CTTNBP2: variants seen among roughly 807,000 people sequenced by gnomAD.
CTTNBP2 encodes cortactin binding protein 2.
CTTNBP2 carries 108 observed loss-of-function variants against 156.9 expected under a neutral mutation model. The observed-to-expected ratio is 0.69, with a 90% CI of 0.59 to 0.81. CTTNBP2 has a LOEUF of 0.81. CTTNBP2 is among the 30% of genes least tolerant of loss of function. The pLI is 0.00. For synonymous variants in CTTNBP2, 767 were observed against 751.8 expected (o/e 1.02, Z -0.33); for missense variants, 1,924 against 2,035.4 (o/e 0.95, Z 1.05).
At chr7:117,797,366 A>G (rs1268815864) in intron 3 of CTTNBP2, among the ~76,000 whole-genome samples, 1 of 152,218 alleles carries the variant, frequency 6.6e-6, no homozygotes, top group Non-Finnish European at 1.5e-5. Flanking sequence ...AGCAGGTAAC[A>G]GAATCCAGAG....
chr7:117,779,963 T>G (rs1005573979), intron 7 of CTTNBP2, among the ~76,000 whole-genome samples: 11 of 152,136 alleles, frequency 7.2e-5, no homozygotes, highest in African/African-American at 2.7e-4. Context: ...TTTCTCCATG[T>G]TGATCAGGCT....
intron 2 of CTTNBP2, among the ~76,000 whole-genome samples, chr7:117,856,813 G>A (rs1032764707): frequency 6.6e-6 from 1 of 152,078 alleles, no homozygotes; most frequent in Admixed American, 6.5e-5. Flanking sequence ...TAAAATGTAG[G>A]CTTAAGCACA....
Position 117,792,193 on chromosome 7 carries a change from G to A in CTTNBP2, c.1003C>T (p.Pro335Ser). 1.9e-6 allele frequency: 3 copies of A among 1,614,160 alleles called. No individual in the cohort carries two copies. The highest frequency in any genetic ancestry group is 2.5e-6 in the Non-Finnish European group (3 of 1,180,038). ...TMPVKPSTGS[P>S]LVSANAKGSV... ...CCTTTTGCATTTGCAGAAACTAGGG[G>A]ACTCCCTGTGGAAGGTTTTACAGGC... is the stretch of plus-strand genomic sequence containing the variant. The change falls in exon 4 of 23, where the codon CCC becomes TCC. Residue 335 changes from proline to serine, a missense_variant. Pro to Ser is a moderately conservative substitution (Grantham distance 74). Coordinates refer to ENST00000160373, the MANE Select transcript of CTTNBP2 (RefSeq NM_033427.3). This position sits in a 1 kb window ranked among gnomAD's most constrained non-coding sequence, Gnocchi z 4.2.
At chr7:117,725,453 C>T (rs1006904131) in intron 17 of CTTNBP2, among the ~76,000 whole-genome samples, 196 bp from the exon 18 acceptor site, 3 of 152,206 alleles carry the variant, frequency 2.0e-5, no homozygotes, top group Non-Finnish European at 4.4e-5. Context: ...CAAAAATACA[C>T]TGTATTTCAA....
chr7:117,847,578 C>T lies in CTTNBP2; in HGVS notation c.189+13631G>A, dbSNP rs1802664323. On this transcript the variant is annotated intron_variant, in intron 2 of 22. Transcript: ENST00000160373. ...GAAATAAGTTGATTAGAGAAAATAACTAGCCAAATTATTTCAGGGCTATAG... is the reference window on the plus strand; with the variant it reads ...GAAATAAGTTGATTAGAGAAAATAATTAGCCAAATTATTTCAGGGCTATAG... 2.0e-5 allele frequency among the ~76,000 whole-genome samples: 3 copies of T among 152,152 alleles called. No individual in the cohort carries two copies. The South Asian group carries it at 6.2e-4, about 31-fold the overall frequency.
chr7:117,773,829 C>A (rs766065116), intron 8 of CTTNBP2, among the ~76,000 whole-genome samples: 1 of 152,182 alleles, frequency 6.6e-6, no homozygotes, highest in South Asian at 2.1e-4. Context: ...AAATCGTCAA[C>A]TTGTTAAAAC....
At chr7:117,847,214 A>G (rs1202395764) in intron 2 of CTTNBP2, among the ~76,000 whole-genome samples, 1 of 152,184 alleles carries the variant, frequency 6.6e-6, no homozygotes, top group African/African-American at 2.4e-5. Flanking sequence ...AGGACAATAA[A>G]GAGAGTTGGA....
intron 1 of CTTNBP2, among the ~76,000 whole-genome samples, chr7:117,864,678 T>C (rs59347269): frequency 3.2e-3 from 270 of 83,306 alleles, no homozygotes; most frequent in South Asian, 5.7e-3. Context: ...ATTCATATAT[T>C]TATATATATT....
At chr7:117,850,569 G>A (rs1237822052) in intron 2 of CTTNBP2, among the ~76,000 whole-genome samples, 1 of 152,178 alleles carries the variant, frequency 6.6e-6, no homozygotes, top group Non-Finnish European at 1.5e-5. Context: ...AACTTTGAGG[G>A]AGTTGCACAA....
chr7:117,800,419 G>A (rs376738836), intron 3 of CTTNBP2, among the ~76,000 whole-genome samples: 17 of 151,964 alleles, frequency 1.1e-4, no homozygotes, highest in Non-Finnish European at 1.5e-5. Context: ...TGTTGGTGGG[G>A]TGGGGGATGC....
chr7:117,841,952 G>A (rs1284614422), intron 2 of CTTNBP2, among the ~76,000 whole-genome samples: 1 of 152,114 alleles, frequency 6.6e-6, no homozygotes, highest in East Asian at 1.9e-4. Context: ...CTAGAACCTA[G>A]AGACAAAAGA....
intron 2 of CTTNBP2, among the ~76,000 whole-genome samples, chr7:117,835,524 C>G (rs550407526): frequency 2.0e-5 from 3 of 152,310 alleles, no homozygotes; most frequent in African/African-American, 7.2e-5. Flanking sequence ...CTGTTTCCCT[C>G]ACTTCCCTTT....
intron 14 of CTTNBP2, among the ~76,000 whole-genome samples, chr7:117,741,312 T>G (rs545410928): frequency 4.6e-5 from 7 of 152,304 alleles, no homozygotes; most frequent in African/African-American, 1.4e-4. Flanking sequence ...ATGCTCACCT[T>G]GCTAACTTGG....
At position 117,719,997 on chromosome 7, in the gene CTTNBP2, T is replaced by G. The variant is rs143640848; in HGVS notation, c.4512-361A>C. 4.3e-4 allele frequency among the ~76,000 whole-genome samples: 65 copies of G among 152,362 alleles called. No individual in the cohort carries two copies. The East Asian group carries it at 0.012, about 28-fold the overall frequency. On this transcript the variant is annotated intron_variant, in intron 20 of 22. Coordinates refer to ENST00000160373, the MANE Select transcript of CTTNBP2 (RefSeq NM_033427.3). ...ACACGGATTTCAAACTTGGCTCTAT[T>G]GCTAGCTAGCAATATGACCATGCAC...
chr7:117,826,391 T>C (rs750336583), intron 2 of CTTNBP2, among the ~76,000 whole-genome samples: 53 of 152,246 alleles, frequency 3.5e-4, no homozygotes, highest in Admixed American at 1.3e-3. Flanking sequence ...ATACATGAAA[T>C]CAGTTCTAAC....
At chr7:117,804,498 T>C (rs995662945) in intron 3 of CTTNBP2, among the ~76,000 whole-genome samples, 2 of 152,126 alleles carry the variant, frequency 1.3e-5, no homozygotes, top group African/African-American at 2.4e-5. Flanking sequence ...CTATTCACAA[T>C]AGCAAAGACA....
intron 14 of CTTNBP2, among the ~76,000 whole-genome samples, chr7:117,741,926 CA>C (rs1418417637): frequency 1.3e-5 from 2 of 152,166 alleles, no homozygotes; most frequent in African/African-American, 2.4e-5. Flanking sequence ...TAATTATTGA[CA>C]ATTTATATGC....
At chr7:117,713,833 T>C (rs1442404613) in intron 22 of CTTNBP2, 1 of 152,206 alleles carries the variant, frequency 6.6e-6, no homozygotes, top group African/African-American at 2.4e-5. Context: ...CTCTAATATA[T>C]ACTTGGCTAG....
intron 1 of CTTNBP2, among the ~76,000 whole-genome samples, chr7:117,871,294 C>T (rs967046007): frequency 3.3e-5 from 5 of 152,142 alleles, no homozygotes; most frequent in Non-Finnish European, 5.9e-5. Flanking sequence ...GAGAACCATG[C>T]CTTATTAAGT....
Sources: gnomAD v4.1 joint callset for allele counts (sites outside exome capture counted in the v4.1 genomes callset) on GRCh38, gnomAD v4.1.1 for gene constraint, Gnocchi (gnomAD v3.1) non-coding constraint, MANE v1.5 for transcripts, NCBI Gene and HGNC (gene_info 2026-07-23, HGNC 2026-07-21) for gene names.